Variants in STX11 observed in about 807,000 individuals in gnomAD.
The protein encoded by STX11 is syntaxin 11.
STX11 carries 21 observed loss-of-function variants against 19.9 expected under a neutral mutation model. That is an observed-to-expected ratio of 1.06 (90% CI 0.75 to 1.52). The LOEUF is 1.52. Ranked by LOEUF, STX11 falls within the 40% of genes most tolerant of loss-of-function variation. The pLI is 0.00. For synonymous variants in STX11, 193 were observed against 174.4 expected, an observed-to-expected ratio of 1.11 and a Z score of -0.84; for missense variants, 438 against 405.9, an observed-to-expected ratio of 1.08 and a Z score of -0.68.
In STX11 at chr6:144,152,609, G is replaced by A. The variant is rs11965297; in HGVS notation, c.-6+1906G>A. Among the ~76,000 whole-genome samples the A allele has an allele frequency of 0.045, 6,852 of 152,228 alleles. 493 individuals are homozygous for A. Among genetic ancestry groups the A allele is most frequent in the African/African-American group, 0.15 (6,344 of 41,508 alleles). On this transcript the variant is annotated intron_variant, in intron 1 of 1. Transcript: ENST00000367568. This position sits in a 1 kb window ranked among gnomAD's most constrained non-coding sequence, Gnocchi z 4.9. ...TTAACAGCATGACTTTTAGGAAATG[G>A]TGTGACTAATTAATAGGTTGTTTTG...
rs1802060166 is a variant in STX11, at chr6:144,186,979, C to G, written c.352C>G (p.His118Asp). The G allele has an allele frequency of 6.2e-7, 1 of 1,608,918 alleles. No homozygotes were observed. Among genetic ancestry groups the G allele is most frequent in the Non-Finnish European group, 8.5e-7 (1 of 1,179,558 alleles). ...GCTGAGCGAGGCGGCTGAGGCCCAG[C>G]ACGGCCCGCACTCGGCAGTGGCGCG... ...KELSEAAEAQ[H>D]GPHSAVARIS... is the part of the protein sequence containing the mutation. Residue 118 changes from histidine (H) to aspartate (D), a missense_variant, in exon 2 of 2, where the codon CAC (histidine) becomes GAC (aspartate). By Grantham distance (81) the His-to-Asp change is moderately conservative. Coordinates refer to ENST00000367568, the MANE Select transcript of STX11 (RefSeq NM_003764.4).
Position 144,188,266 on chromosome 6 carries a change from G to A in STX11, c.*775G>A, listed in dbSNP as rs549630242. 1.0e-4 allele frequency: 24 copies of A among 232,344 alleles called. No homozygotes were observed. Among genetic ancestry groups the A allele is most frequent in the Non-Finnish European group, 1.7e-4 (19 of 108,752 alleles). The allele number at this position is 232,344 out of a possible 1,614,324, so 14.4% of individuals were successfully genotyped here. ...TTTTTACTTGATTACATATGCACAT[G>A]TATGTAAATGTAAAATACTAATATT... On this transcript the variant is annotated 3_prime_UTR_variant, in exon 2 of 2. Transcript: ENST00000367568.
chr6:144,164,118 A>G (rs954090676), intron 1 of STX11, among the ~76,000 whole-genome samples: 1 of 152,230 alleles, frequency 6.6e-6, no homozygotes, highest in Admixed American at 6.5e-5. Flanking sequence ...GAATAAACAC[A>G]TGAAAGTCCC....
rs1331331147 is a variant in STX11, at chr6:144,179,990, C to CTCTTTT, written c.-5-6627_-5-6622dup. Among the ~76,000 whole-genome samples, 7 of 152,272 alleles carry CTCTTTT rather than the reference C, an allele frequency of 4.6e-5. No individual in the cohort carries two copies. The East Asian group carries it at 1.2e-3, about 25-fold the overall frequency. On this transcript the variant is annotated intron_variant, in intron 1 of 1. Transcript: ENST00000367568. ...TAGCCGAATTCCATTTGCAAAGACT[C>CTCTTTT]TCTTTTTCTTTCTCTTTCTCTTTCT...
At chr6:144,149,807 A>T (rs1388307614), upstream of STX11, among the ~76,000 whole-genome samples, 1 of 151,940 alleles carries the variant, frequency 6.6e-6, no homozygotes, top group Non-Finnish European at 1.5e-5. The surrounding 1 kb of genome is among the most constrained non-coding windows in gnomAD (Gnocchi z 5.1). Flanking sequence ...TCACTTCCTT[A>T]CTTTTCAGCC....
chr6:144,159,029 C>A lies in STX11; in HGVS notation c.-6+8326C>A, dbSNP rs1801254719. 6.6e-6 allele frequency among the ~76,000 whole-genome samples: 1 copy of A among 152,146 alleles called. No individual in the cohort carries two copies. Among genetic ancestry groups the A allele is most frequent in the South Asian group, 2.1e-4 (1 of 4,824 alleles). Reference sequence around the variant, plus strand: ...ACTTCTCAAAGTATTCCCATAGATCCCTCTATTATGGCATTTATTATCATT... The same window carrying A: ...ACTTCTCAAAGTATTCCCATAGATCACTCTATTATGGCATTTATTATCATT... On this transcript the variant is annotated intron_variant, in intron 1 of 1. Coordinates refer to ENST00000367568, the MANE Select transcript of STX11 (RefSeq NM_003764.4). The surrounding 1 kb of genome is among the most constrained non-coding windows in gnomAD (Gnocchi z 4.3).
rs761372226 is a variant in STX11, at chr6:144,187,278, G to T, written c.651G>T (p.Leu217=). The T allele has an allele frequency of 2.9e-5, 46 of 1,613,376 alleles. No homozygotes were observed. In the East Asian group the frequency reaches 8.0e-4, roughly 28 times the overall value. The change falls in exon 2 of 2, where the codon CTG becomes CTT. Residue 217 remains leucine, a synonymous_variant. Coordinates refer to ENST00000367568, the MANE Select transcript of STX11 (RefSeq NM_003764.4). This position sits in a 1 kb window ranked among gnomAD's most constrained non-coding sequence, Gnocchi z 5.6. ...IESRHRELLR[L]ESRIRDVHEL... is the part of the protein sequence containing the mutation. Reference sequence around the variant, plus strand: ...GCCGCCACCGCGAACTGCTGCGCCTGGAGAGCCGCATCCGCGACGTACACG... The same window carrying T: ...GCCGCCACCGCGAACTGCTGCGCCTTGAGAGCCGCATCCGCGACGTACACG...
rs566976461 is a variant in STX11, at chr6:144,177,691, G to A, written c.-5-8932G>A. On this transcript the variant is annotated intron_variant, in intron 1 of 1. Coordinates refer to ENST00000367568, the MANE Select transcript of STX11 (RefSeq NM_003764.4). This position sits in a 1 kb window ranked among gnomAD's most constrained non-coding sequence, Gnocchi z 4.4. ...CTTGAACCCGGGAGGCAAAGGTTGC[G>A]GTGAGCCAAGATTGCACCACTGCAC... 1.9e-4 allele frequency among the ~76,000 whole-genome samples: 29 copies of A among 152,172 alleles called. No homozygotes were observed. Among genetic ancestry groups the A allele is most frequent in the African/African-American group, 6.7e-4 (28 of 41,516 alleles).
rs982125804 is a variant in STX11, at chr6:144,152,586, A to C, written c.-6+1883A>C. 6.6e-6 allele frequency among the ~76,000 whole-genome samples: 1 copy of C among 152,214 alleles called. No individual in the cohort carries two copies. Among genetic ancestry groups the C allele is most frequent in the Non-Finnish European group, 1.5e-5 (1 of 68,016 alleles). ...TGGACAATTGCAGTCACCTTTAGTT[A>C]ACAGCATGACTTTTAGGAAATGGTG... On this transcript the variant is annotated intron_variant, in intron 1 of 1. Transcript: ENST00000367568. The surrounding 1 kb of genome is among the most constrained non-coding windows in gnomAD (Gnocchi z 4.9).
rs1031410503 is a variant in STX11, at chr6:144,153,027, T to A, written c.-6+2324T>A. On this transcript the variant is annotated intron_variant, in intron 1 of 1. Coordinates refer to ENST00000367568, the MANE Select transcript of STX11 (RefSeq NM_003764.4). The surrounding 1 kb of genome is among the most constrained non-coding windows in gnomAD (Gnocchi z 5.0). ...AATGTTTTTTATCACATTATAGCCGTGTGAGCCAAAATGAATAAATCTACC... is the reference window on the plus strand; with the variant it reads ...AATGTTTTTTATCACATTATAGCCGAGTGAGCCAAAATGAATAAATCTACC... 6.6e-5 allele frequency among the ~76,000 whole-genome samples: 10 copies of A among 152,358 alleles called. No individual in the cohort carries two copies. The highest frequency in any genetic ancestry group is 2.4e-4 in the African/African-American group (10 of 41,580).
In STX11 at chr6:144,182,895, TG is replaced by T. The variant is rs778828579; in HGVS notation, c.-5-3727del. ...ATGCATCCATTCCATCTCATCCACT[TG>T]TTGCATGGTAGACTATATTGGGTAC... On this transcript the variant is annotated intron_variant, in intron 1 of 1. Coordinates refer to ENST00000367568, the MANE Select transcript of STX11 (RefSeq NM_003764.4). The surrounding 1 kb of genome is among the most constrained non-coding windows in gnomAD (Gnocchi z 4.8). Among the ~76,000 whole-genome samples the T allele has an allele frequency of 6.6e-6, 1 of 152,232 alleles. No homozygotes were observed.
In STX11 at chr6:144,155,655, G is replaced by C. The variant is rs892259909; in HGVS notation, c.-6+4952G>C. Among the ~76,000 whole-genome samples the C allele has an allele frequency of 6.6e-6, 1 of 152,192 alleles. No individual in the cohort carries two copies. Among genetic ancestry groups the C allele is most frequent in the Non-Finnish European group, 1.5e-5 (1 of 68,034 alleles). On this transcript the variant is annotated intron_variant, in intron 1 of 1. Transcript: ENST00000367568. This position sits in a 1 kb window ranked among gnomAD's most constrained non-coding sequence, Gnocchi z 4.5. ...TTCAATTCAACTGTGGTTTCCCTGA[G>C]AGAAGAGAATAGCTAGAGTTGGGGG...
chr6:144,163,788 A>G (rs921364480), intron 1 of STX11, among the ~76,000 whole-genome samples: 3 of 152,158 alleles, frequency 2.0e-5, no homozygotes, highest in East Asian at 1.9e-4. Flanking sequence ...CCTGGCCCCA[A>G]AATTTAAAAA....
rs1584067324 is a variant in STX11, at chr6:144,189,355, C to T, written c.*1864C>T. On this transcript the variant is annotated 3_prime_UTR_variant, in exon 2 of 2. Transcript: ENST00000367568. ...TTTCTACTAGCTACTGAGGCTGCCA[C>T]ATCTGGATGGAACTGAGTGGAGGGG... Among the ~76,000 whole-genome samples the T allele has an allele frequency of 6.6e-6, 1 of 152,298 alleles. No individual in the cohort carries two copies. Among genetic ancestry groups the T allele is most frequent in the African/African-American group, 2.4e-5 (1 of 41,560 alleles).
In STX11 at chr6:144,187,356, C is replaced by T. The variant is rs534184432; in HGVS notation, c.729C>T (p.Asn243=). The T allele has an allele frequency of 4.4e-5, 71 of 1,610,356 alleles. No homozygotes were observed. In the South Asian group the frequency reaches 7.6e-4, roughly 17 times the overall value. ...TGGAGAAGCAGGCCGACACCCTGAA[C>T]GTCATCGAGCTCAACGTACAAAAGA... The part of the protein sequence containing the change: ...VLVEKQADTL[N]VIELNVQKTV... The change falls in exon 2 of 2, where the codon AAC becomes AAT. Residue 243 remains asparagine (N), a synonymous_variant. Coordinates refer to ENST00000367568, the MANE Select transcript of STX11 (RefSeq NM_003764.4). This position sits in a 1 kb window ranked among gnomAD's most constrained non-coding sequence, Gnocchi z 5.6.
At chr6:144,156,026 C>CTTTCTTTT (rs1306263495) in intron 1 of STX11, among the ~76,000 whole-genome samples, 1 of 116,078 alleles carries the variant, frequency 8.6e-6, no homozygotes. Flanking sequence ...CTCTTTCTCT[C>CTTTCTTTT]CTTCCTTCCT....
chr6:144,153,815 C>A lies in STX11; in HGVS notation c.-6+3112C>A, dbSNP rs1801066460. On this transcript the variant is annotated intron_variant, in intron 1 of 1. Transcript: ENST00000367568. This position sits in a 1 kb window ranked among gnomAD's most constrained non-coding sequence, Gnocchi z 5.0. Reference sequence around the variant, plus strand: ...GGTGTGTGTAATGAGGAGGTAGGAGCAGTTGAGATGACTCCCATGTTTCTA... The same window carrying A: ...GGTGTGTGTAATGAGGAGGTAGGAGAAGTTGAGATGACTCCCATGTTTCTA... Among the ~76,000 whole-genome samples, 1 of 152,036 alleles carries A rather than the reference C, an allele frequency of 6.6e-6. No individual in the cohort carries two copies. Among genetic ancestry groups the A allele is most frequent in the Admixed American group, 6.5e-5 (1 of 15,268 alleles).
rs1801509954 is a variant in STX11, at chr6:144,167,330, G to A, written c.-6+16627G>A. ...TGGATTTCAGATTTTTTTGGATTTT[G>A]GAATATTTGCATATACATCATGAGA... On this transcript the variant is annotated intron_variant, in intron 1 of 1. Coordinates refer to ENST00000367568, the MANE Select transcript of STX11 (RefSeq NM_003764.4). This position sits in a 1 kb window ranked among gnomAD's most constrained non-coding sequence, Gnocchi z 5.0. Among the ~76,000 whole-genome samples, 1 of 151,986 alleles carries A rather than the reference G, an allele frequency of 6.6e-6. No individual in the cohort carries two copies. Among genetic ancestry groups the A allele is most frequent in the East Asian group, 1.9e-4 (1 of 5,192 alleles).
rs781308253 is a variant in STX11 at position 144,159,371 on chromosome 6, C to T, written c.-6+8668C>T. ...AAGTGAAATTATAGAGCTGGAAACC[C>T]AGCCTAGTCTAAGGTCAGAGGAAGT... On this transcript the variant is annotated intron_variant, in intron 1 of 1. Coordinates refer to ENST00000367568, the MANE Select transcript of STX11 (RefSeq NM_003764.4). This position sits in a 1 kb window ranked among gnomAD's most constrained non-coding sequence, Gnocchi z 4.3. 6.6e-6 allele frequency among the ~76,000 whole-genome samples: 1 copy of T among 152,178 alleles called. No homozygotes were observed. The highest frequency in any genetic ancestry group is 1.5e-5 in the Non-Finnish European group (1 of 68,030).
Sources: gnomAD v4.1 joint callset for allele counts (sites outside exome capture counted in the v4.1 genomes callset) on GRCh38, gnomAD v4.1.1 for gene constraint, Gnocchi (gnomAD v3.1) non-coding constraint, MANE v1.5 for transcripts, NCBI Gene and HGNC (gene_info 2026-07-23, HGNC 2026-07-21) for gene names.